EYS: variants seen among roughly 807,000 people sequenced by gnomAD.
EYS encodes EGF-like photoreceptor maintenance factor.
Under a neutral mutation model 282.1 loss-of-function variants are expected in EYS, and 250 were observed. That is an observed-to-expected ratio of 0.89 (90% CI 0.80 to 0.98). The LOEUF is 0.98. Among genes scored for constraint, EYS ranks in the 50% least tolerant of loss-of-function variants. The pLI is 0.00. For missense variants in EYS, 4,016 were observed against 3,709.0 expected, an observed-to-expected ratio of 1.08 and a Z score of -2.15; for synonymous variants, 1,355 against 1,282.9, an observed-to-expected ratio of 1.06 and a Z score of -1.20.
At chr6:64,587,673 C>T (rs770148382) in intron 26 of EYS, among the ~76,000 whole-genome samples, 1 of 151,960 alleles carries the variant, frequency 6.6e-6, no homozygotes, top group Non-Finnish European at 1.5e-5. Flanking sequence ...CTGGTGCTGG[C>T]TATCATTTTA....
In EYS at chr6:65,335,067, C is replaced by G. The variant is rs1329241223; in HGVS notation, c.1679G>C (p.Gly560Ala). The G allele has an allele frequency of 6.2e-7, 1 of 1,611,844 alleles. No homozygotes were observed. Among genetic ancestry groups the G allele is most frequent in the Non-Finnish European group, 8.5e-7 (1 of 1,178,820 alleles). ...AGTTGTATTTTCCAGATACATGTTG[C>G]CAGCCCATCTGAGAAAACATAGATA... ...YRYLCFLRWA[G>A]NMYLENTTDD... The change falls in exon 11 of 43, where the codon GGC (glycine) becomes GCC (alanine). Residue 560 changes from glycine (G) to alanine (A), a missense_variant. Transcript: ENST00000503581.
chr6:63,811,831 A>G (rs1771054526), intron 36 of EYS, among the ~76,000 whole-genome samples: 1 of 152,166 alleles, frequency 6.6e-6, no homozygotes, highest in Non-Finnish European at 1.5e-5. Flanking sequence ...ACTAGGCATC[A>G]TCCTTAAATG....
chr6:65,025,897 C>T (rs1433768259), intron 13 of EYS, among the ~76,000 whole-genome samples: 1 of 152,158 alleles, frequency 6.6e-6, no homozygotes, highest in Non-Finnish European at 1.5e-5. Flanking sequence ...GAAACTTCCA[C>T]ACAACTTTCT....
At chr6:65,352,794 G>T (rs1472251984) in intron 9 of EYS, among the ~76,000 whole-genome samples, 2 of 151,832 alleles carry the variant, frequency 1.3e-5, no homozygotes, top group South Asian at 2.1e-4. Context: ...TTTTAGAAGA[G>T]AAATCAAAAT....
intron 29 of EYS, among the ~76,000 whole-genome samples, chr6:64,352,476 T>C (rs771782915): frequency 5.3e-5 from 8 of 151,560 alleles, no homozygotes; most frequent in African/African-American, 9.7e-5. Context: ...ACTATCTCTA[T>C]TGTTTTCTAG....
At chr6:64,666,196 A>G (rs1769223997) in intron 22 of EYS, among the ~76,000 whole-genome samples, 1 of 152,184 alleles carries the variant, frequency 6.6e-6, no homozygotes, top group African/African-American at 2.4e-5. Context: ...CTGTGATGTG[A>G]ATTTACCTAT....
intron 12 of EYS, among the ~76,000 whole-genome samples, chr6:65,231,111 G>GTATTTATATATATACTTTTATATA (rs1562037915): frequency 2.4e-4 from 24 of 101,178 alleles, no homozygotes; most frequent in South Asian, 5.5e-4. Context: ...TTATATATAT[G>GTATTTATATATATACTTTTATATA]TATTTATATA....
chr6:65,440,411 C>T (rs1044049338), intron 5 of EYS, among the ~76,000 whole-genome samples: 1 of 150,884 alleles, frequency 6.6e-6, no homozygotes, highest in East Asian at 1.9e-4. Flanking sequence ...AAAAACAAAA[C>T]CAAAAACCCC....
At chr6:65,483,518 T>C (rs777962656) in intron 5 of EYS, among the ~76,000 whole-genome samples, 9 of 152,136 alleles carry the variant, frequency 5.9e-5, no homozygotes, top group Non-Finnish European at 1.2e-4. Flanking sequence ...GGTTTTACTA[T>C]GGCTCATTAG....
intron 2 of EYS, among the ~76,000 whole-genome samples, chr6:65,577,040 A>T (rs188255395): frequency 6.6e-6 from 1 of 151,874 alleles, no homozygotes; most frequent in African/African-American, 2.4e-5. Context: ...AATTTCAATG[A>T]CATTTTTCAC....
At chr6:64,652,990 C>T (rs1486249752) in intron 22 of EYS, among the ~76,000 whole-genome samples, 1 of 152,102 alleles carries the variant, frequency 6.6e-6, no homozygotes, top group Non-Finnish European at 1.5e-5. Context: ...TATTTGAAGT[C>T]CTAATTCTCA....
chr6:63,784,404 C>T (rs985327904), intron 39 of EYS, among the ~76,000 whole-genome samples: 1 of 152,104 alleles, frequency 6.6e-6, no homozygotes, highest in African/African-American at 2.4e-5. Context: ...TTTGGAATGT[C>T]AGGGGTGTTA....
chr6:64,726,640 T>C (rs2149948222), intron 22 of EYS, among the ~76,000 whole-genome samples: 1 of 152,266 alleles, frequency 6.6e-6, no homozygotes, highest in East Asian at 1.9e-4. Context: ...CCCTGACTAA[T>C]TCAACCAGAA....
intron 2 of EYS, among the ~76,000 whole-genome samples, chr6:65,537,889 T>C (rs750860120): frequency 1.3e-5 from 2 of 152,206 alleles, no homozygotes; most frequent in African/African-American, 2.4e-5. Flanking sequence ...CAGTAAGTGC[T>C]GATGCTGAGA....
At chr6:63,870,498 G>A (rs1259708629) in intron 35 of EYS, among the ~76,000 whole-genome samples, 3 of 152,060 alleles carry the variant, frequency 2.0e-5, no homozygotes, top group Admixed American at 6.5e-5. Flanking sequence ...ATCCTTTATG[G>A]GTATTCCTAT....
chr6:64,747,152 C>A (rs1772581361), intron 22 of EYS, among the ~76,000 whole-genome samples: 1 of 152,168 alleles, frequency 6.6e-6, no homozygotes. Flanking sequence ...TGATGAAAAG[C>A]AAGTAAAACT....
intron 2 of EYS, among the ~76,000 whole-genome samples, chr6:65,608,321 C>T (rs77247790): frequency 2.6e-5 from 4 of 152,074 alleles, no homozygotes; most frequent in East Asian, 3.9e-4. Flanking sequence ...GGTAAAAATA[C>T]AGTTTAAAAG....
intron 29 of EYS, among the ~76,000 whole-genome samples, chr6:64,367,602 G>A (rs1239603753): frequency 1.0e-5 from 1 of 98,644 alleles, no homozygotes; most frequent in Non-Finnish European, 2.2e-5. Context: ...ACACCTAGTT[G>A]GATTTCAGAA....
chr6:64,816,244 C>T (rs190739701), intron 21 of EYS, among the ~76,000 whole-genome samples: 131 of 152,208 alleles, frequency 8.6e-4, no homozygotes, highest in African/African-American at 3.1e-3. Context: ...TCACAGAATT[C>T]CGTGAACTTT....
Sources: gnomAD v4.1 joint callset for allele counts (sites outside exome capture counted in the v4.1 genomes callset) on GRCh38, gnomAD v4.1.1 for gene constraint, MANE v1.5 for transcripts, NCBI Gene and HGNC (gene_info 2026-07-23, HGNC 2026-07-21) for gene names.